RAD54L2: variants seen among roughly 807,000 people sequenced by gnomAD.
RAD54L2 encodes RAD54 like 2.
In RAD54L2, 27 loss-of-function variants were observed where a neutral mutation model predicts 138.4. The observed-to-expected ratio is 0.20, with a 90% CI of 0.14 to 0.27. RAD54L2 has a LOEUF of 0.27. Ranked by LOEUF, RAD54L2 falls within the 10% of genes least tolerant of loss-of-function variation. The pLI, the probability that RAD54L2 is intolerant of heterozygous loss-of-function variation, is 1.00. For missense variants in RAD54L2, 1,396 were observed against 1,890.2 expected (o/e 0.74, Z 4.85); for synonymous variants, 644 against 723.2 (o/e 0.89, Z 1.76).
intron 3 of RAD54L2, among the ~76,000 whole-genome samples, chr3:51,591,384 TAGATCATCTAATTACTTGAATCTGA>T (rs1321090186): frequency 6.6e-6 from 1 of 152,308 alleles, no homozygotes; most frequent in East Asian, 1.9e-4. Flanking sequence ...AACGTTGCAT[TAGATCATCTAATTACTTGAATCTGA>T]AGGAACGTAG....
chr3:51,608,476 G>A (rs763931580), intron 3 of RAD54L2, among the ~76,000 whole-genome samples: 166 of 152,338 alleles, frequency 1.1e-3, no homozygotes, highest in Non-Finnish European at 2.0e-3. Flanking sequence ...CAAGGCAGGC[G>A]GCTGGGAGGT....
intron 3 of RAD54L2, among the ~76,000 whole-genome samples, chr3:51,594,891 T>TTTTTTTG (rs1312709541): frequency 7.1e-6 from 1 of 141,500 alleles, no homozygotes; most frequent in Admixed American, 7.2e-5. Context: ...TTTTTTTTTT[T>TTTTTTTG]GACGGAGTCT....
At position 51,635,806 on chromosome 3, in the gene RAD54L2, A is replaced by G. The variant is rs762565863; in HGVS notation, c.1339+17A>G. 3 of 1,591,846 alleles carry G rather than the reference A, an allele frequency of 1.9e-6. No individual in the cohort carries two copies. The highest frequency in any genetic ancestry group is 2.3e-5 in the East Asian group (1 of 44,392). The stretch of plus-strand genomic sequence containing the variant: ...TTCGGAGAGGTGGGCAGCCTATCCC[A>G]GGAATACTCTTGTTGGTGTTTCAGG... On this transcript the variant is annotated intron_variant, in intron 10 of 22. Coordinates refer to ENST00000684192, the MANE Select transcript of RAD54L2 (RefSeq NM_015106.4).
At position 51,646,499 on chromosome 3, in the gene RAD54L2, G is replaced by T. The variant is rs771612851; in HGVS notation, c.3026+18G>T. 4 of 1,590,038 alleles carry T rather than the reference G, an allele frequency of 2.5e-6. No individual in the cohort carries two copies. The South Asian group carries it at 4.5e-5, about 18-fold the overall frequency. The stretch of plus-strand genomic sequence containing the variant: ...AGAAACTGGTGAGTTGCTGAAAGGG[G>T]AGGGTCTGCTGCTGGGCCAGGCACA... On this transcript the variant is annotated intron_variant, in intron 19 of 22. Transcript: ENST00000684192.
At chr3:51,539,002 C>A (rs902881352) in intron 1 of RAD54L2, among the ~76,000 whole-genome samples, 87 bp downstream of exon 1, 2 of 152,186 alleles carry the variant, frequency 1.3e-5, no homozygotes, top group Non-Finnish European at 2.9e-5. Context: ...CGGCCTGGGC[C>A]CCTGCCATGC....
At chr3:51,592,282 C>T (rs534563887) in intron 3 of RAD54L2, among the ~76,000 whole-genome samples, 11 of 151,730 alleles carry the variant, frequency 7.2e-5, no homozygotes, top group East Asian at 5.8e-4. Context: ...AGGCTGTTCT[C>T]GAACTCCTAA....
At chr3:51,595,889 G>C (rs1490916044) in intron 3 of RAD54L2, among the ~76,000 whole-genome samples, 3 of 150,572 alleles carry the variant, frequency 2.0e-5, no homozygotes, top group Non-Finnish European at 4.4e-5. Flanking sequence ...CTCTGGGATT[G>C]GCTTTCCTTA....
At chr3:51,616,328 A>G (rs1282632656) in intron 3 of RAD54L2, among the ~76,000 whole-genome samples, 4 of 152,292 alleles carry the variant, frequency 2.6e-5, no homozygotes, top group East Asian at 3.9e-4. Flanking sequence ...AAGAAAATTT[A>G]TATCATTGAT....
chr3:51,591,451 A>G (rs1699838397), intron 3 of RAD54L2, among the ~76,000 whole-genome samples: 1 of 152,204 alleles, frequency 6.6e-6, no homozygotes, highest in Non-Finnish European at 1.5e-5. Context: ...TCCAGATTCC[A>G]GGAGGATGAG....
At chr3:51,546,083 T>C (rs1401171052) in intron 2 of RAD54L2, among the ~76,000 whole-genome samples, 2 of 151,284 alleles carry the variant, frequency 1.3e-5, no homozygotes, top group African/African-American at 2.4e-5. Flanking sequence ...GGATTACAGG[T>C]ATGTGCCACC....
intron 3 of RAD54L2, among the ~76,000 whole-genome samples, chr3:51,603,606 AAAATAAAT>A (rs945113395): frequency 6.6e-6 from 1 of 152,054 alleles, no homozygotes; most frequent in Non-Finnish European, 1.5e-5. Context: ...ACTCTGCCTC[AAAATAAAT>A]AAATAAATAA....
intron 15 of RAD54L2, 130 bp downstream of exon 15, chr3:51,641,997 G>T: frequency 4.4e-6 from 3 of 684,274 alleles, no homozygotes; most frequent in Non-Finnish European, 7.5e-6. Flanking sequence ...CAAGGAGCAG[G>T]GGGATACTAA....
chr3:51,659,298 G>T lies in RAD54L2; in HGVS notation c.3317-728G>T, dbSNP rs189421314. 2.8e-3 allele frequency among the ~76,000 whole-genome samples: 420 copies of T among 151,870 alleles called. 6 individuals carry two copies. Among genetic ancestry groups the T allele is most frequent in the African/African-American group, 9.2e-3 (379 of 41,404 alleles). ...TTTTTTGTATTTTTAGTAGAGATGGGGTTTCACCGTGTTAGCCAGGATGGT... is the reference window on the plus strand; with the variant it reads ...TTTTTTGTATTTTTAGTAGAGATGGTGTTTCACCGTGTTAGCCAGGATGGT... On this transcript the variant is annotated intron_variant, in intron 21 of 22. Transcript: ENST00000684192.
chr3:51,582,367 C>G lies in RAD54L2; in HGVS notation c.-54-8000C>G, dbSNP rs74330925. Among the ~76,000 whole-genome samples the G allele has an allele frequency of 3.4e-3, 414 of 122,038 alleles. 1 individual carries two copies. The highest frequency in any genetic ancestry group is 0.011 in the African/African-American group (388 of 34,534). 80.1% of individuals were successfully genotyped at this position (122,038 alleles called of 152,430 possible). A position where few individuals can be genotyped will look rare whatever the true frequency, so the allele number is the denominator to read the frequency against. ...CTCATTCTTGCCTCATCCCCTGTAT[C>G]CAGAGATCTTATTTTTTTCCTCTTC... On this transcript the variant is annotated intron_variant, in intron 2 of 22. Transcript: ENST00000684192.
chr3:51,557,848 A>T (rs1186283964), intron 2 of RAD54L2, among the ~76,000 whole-genome samples: 3 of 151,342 alleles, frequency 2.0e-5, no homozygotes, highest in Non-Finnish European at 4.4e-5. Context: ...AAAAAAAAAA[A>T]AAAAAAGAAC....
chr3:51,598,139 GTATATATATA>G lies in RAD54L2; in HGVS notation c.139+7582_139+7591del, dbSNP rs1253406106. ...TGTGTGTATATATATATATATGTGTGTATATATATATGTGTGTGTGTGTGTGTGTGTGTGT... is the reference window on the plus strand; with the variant it reads ...TGTGTGTATATATATATATATGTGTGTGTGTGTGTGTGTGTGTGTGTGTGT... On this transcript the variant is annotated intron_variant, in intron 3 of 22. Coordinates refer to ENST00000684192, the MANE Select transcript of RAD54L2 (RefSeq NM_015106.4). Among the ~76,000 whole-genome samples, 81 of 140,886 alleles carry G rather than the reference GTATATATATA, an allele frequency of 5.7e-4. 1 individual carries two copies. The highest frequency in any genetic ancestry group is 3.7e-3 in the Middle Eastern group (1 of 272). The allele number at this position is 140,886 out of a possible 152,430, so 92.4% of individuals were successfully genotyped here. A position where few individuals can be genotyped will look rare whatever the true frequency, so the allele number is the denominator to read the frequency against.
intron 2 of RAD54L2, among the ~76,000 whole-genome samples, chr3:51,589,982 T>A (rs1699805902): frequency 6.6e-6 from 1 of 152,018 alleles, no homozygotes; most frequent in African/African-American, 2.4e-5. Context: ...GAATTCATGT[T>A]CAGCATTTTT....
intron 2 of RAD54L2, among the ~76,000 whole-genome samples, chr3:51,561,348 T>A (rs1699092696): frequency 1.3e-5 from 2 of 152,082 alleles, no homozygotes; most frequent in East Asian, 3.9e-4. Context: ...TGGGTTCAAG[T>A]GATTCTCCTG....
chr3:51,631,922 C>T (rs994151172), intron 7 of RAD54L2, among the ~76,000 whole-genome samples: 7 of 152,192 alleles, frequency 4.6e-5, no homozygotes, highest in African/African-American at 1.7e-4. Context: ...GCGTGAGCCA[C>T]CATGCCTGAC....
Sources: gnomAD v4.1 joint callset for allele counts (sites outside exome capture counted in the v4.1 genomes callset) on GRCh38, gnomAD v4.1.1 for gene constraint, MANE v1.5 for transcripts, NCBI Gene and HGNC (gene_info 2026-07-23, HGNC 2026-07-21) for gene names.